Variants in MED12L observed in about 807,000 individuals in gnomAD.
The protein encoded by MED12L is mediator complex subunit 12L.
Under a neutral mutation model 281.3 loss-of-function variants are expected in MED12L, and 60 were observed. The observed-to-expected ratio is 0.21, with a 90% CI of 0.17 to 0.26. MED12L has a LOEUF of 0.26. MED12L is among the 10% of genes least tolerant of loss of function. The pLI is 1.00. For missense variants in MED12L, 2,146 were observed against 2,680.9 expected, an observed-to-expected ratio of 0.80 and a Z score of 4.41; for synonymous variants, 974 against 987.2, an observed-to-expected ratio of 0.99 and a Z score of 0.25.
intron 16 of MED12L, among the ~76,000 whole-genome samples, chr3:151,292,092 A>G (rs1220127652): frequency 3.9e-5 from 6 of 152,318 alleles, no homozygotes; most frequent in African/African-American, 1.4e-4. Flanking sequence ...ATAGAGAAGT[A>G]CTTGCTAAAC....
intron 35 of MED12L, 24 bp from the exon 36 acceptor site, chr3:151,385,002 ACTCT>A (rs549864983): frequency 8.2e-5 from 94 of 1,150,680 alleles, no homozygotes; most frequent in African/African-American, 2.3e-4. Context: ...CCCACTTCTC[ACTCT>A]CTCTCTCTCT....
intron 5 of MED12L, among the ~76,000 whole-genome samples, chr3:151,131,500 A>G (rs532137782): frequency 2.0e-5 from 3 of 152,110 alleles, no homozygotes; most frequent in Non-Finnish European, 2.9e-5. Context: ...CCAGCTACTC[A>G]GGAGGCTGAG....
At chr3:151,186,629 A>G (rs543219632) in intron 12 of MED12L, among the ~76,000 whole-genome samples, 2 of 152,178 alleles carry the variant, frequency 1.3e-5, no homozygotes, top group Admixed American at 1.3e-4. Flanking sequence ...TGGCATTCCC[A>G]TCTCAAGAAG....
At chr3:151,305,893 G>A (rs991417406) in intron 16 of MED12L, among the ~76,000 whole-genome samples, 10 of 152,102 alleles carry the variant, frequency 6.6e-5, no homozygotes, top group Non-Finnish European at 1.3e-4. Flanking sequence ...ATCCAGATTT[G>A]GAACCCATTT....
At chr3:151,185,207 G>A in intron 11 of MED12L, 123 bp from the exon 12 acceptor site, 5 of 883,154 alleles carry the variant, frequency 5.7e-6, no homozygotes, top group Non-Finnish European at 8.3e-6. Context: ...GCTTTCTAAA[G>A]CTACTATAAT....
At chr3:151,413,565 C>T (rs1717195297) in intron 42 of MED12L, among the ~76,000 whole-genome samples, 1 of 152,136 alleles carries the variant, frequency 6.6e-6, no homozygotes, top group Non-Finnish European at 1.5e-5. Context: ...AGACGGATGC[C>T]TTTAATAGAG....
At position 151,350,052 on chromosome 3, in the gene MED12L, T is replaced by G. The variant is rs930888307; in HGVS notation, c.2251-7T>G. 1.2e-6 allele frequency: 2 copies of G among 1,606,814 alleles called. No homozygotes were observed. The highest frequency in any genetic ancestry group is 1.7e-6 in the Non-Finnish European group (2 of 1,175,372). On this transcript the variant is annotated splice_region_variant and splice_polypyrimidine_tract_variant and intron_variant, in intron 16 of 44. Transcript: ENST00000687756. ...AAGAGTTTCAGAATGCATTTTCTGT[T>G]TTTCAGGATGAATCTTCAAGTCATG...
chr3:151,412,496 C>T (rs905443071), intron 41 of MED12L, among the ~76,000 whole-genome samples: 1 of 152,196 alleles, frequency 6.6e-6, no homozygotes, highest in Non-Finnish European at 1.5e-5. Flanking sequence ...GCACAGCTCC[C>T]ATCTGTTACC....
chr3:151,127,191 A>C (rs192766264), intron 4 of MED12L, among the ~76,000 whole-genome samples: 2 of 152,350 alleles, frequency 1.3e-5, no homozygotes, highest in Non-Finnish European at 2.9e-5. Flanking sequence ...GTGGTCTGGA[A>C]GACATAATTA....
chr3:151,144,388 A>G (rs956847316), intron 5 of MED12L, among the ~76,000 whole-genome samples: 1 of 152,204 alleles, frequency 6.6e-6, no homozygotes, highest in African/African-American at 2.4e-5. Context: ...CTCCTCAGCT[A>G]TCAGATACAG....
chr3:151,220,735 G>A (rs559586246), intron 16 of MED12L, among the ~76,000 whole-genome samples: 2 of 152,314 alleles, frequency 1.3e-5, no homozygotes, highest in South Asian at 2.1e-4. Flanking sequence ...ATGTGGAACT[G>A]TAAGTCCAGT....
rs79758062 is a variant in MED12L, at chr3:151,105,746, A to G, written c.100-10592A>G. Among the ~76,000 whole-genome samples, 3 of 152,066 alleles carry G rather than the reference A, an allele frequency of 2.0e-5. No individual in the cohort carries two copies. In the East Asian group the frequency reaches 5.8e-4, roughly 29 times the overall value. ...TTCAGTCACTAGCCATATGCAGACA[A>G]CTCACGACTTTAAGACTCCAGCCTA... On this transcript the variant is annotated intron_variant, in intron 2 of 44. Transcript: ENST00000687756.
intron 16 of MED12L, among the ~76,000 whole-genome samples, chr3:151,234,480 C>G (rs1732324201): frequency 6.6e-6 from 1 of 152,196 alleles, no homozygotes; most frequent in Non-Finnish European, 1.5e-5. Flanking sequence ...TTTGTTTTTA[C>G]TAGCTTGTCT....
Position 151,376,791 on chromosome 3 carries a change from T to C in MED12L, c.4054-9T>C. 1 of 1,612,060 alleles carries C rather than the reference T, an allele frequency of 6.2e-7. No individual in the cohort carries two copies. The highest frequency in any genetic ancestry group is 1.1e-5 in the South Asian group (1 of 90,904). On this transcript the variant is annotated splice_polypyrimidine_tract_variant and intron_variant, in intron 28 of 44. Transcript: ENST00000687756. The stretch of plus-strand genomic sequence containing the variant: ...CCCATAATGTTTTAATTCTTTCCAT[T>C]TTTCCCAGAATCTTGAGCAGTGGAC...
At chr3:151,139,944 A>C (rs751037220) in intron 5 of MED12L, among the ~76,000 whole-genome samples, 2 of 152,248 alleles carry the variant, frequency 1.3e-5, no homozygotes, top group Non-Finnish European at 2.9e-5. Context: ...GCAGTCCCAA[A>C]TTATTACTGC....
At chr3:151,197,950 T>A (rs918839757) in intron 16 of MED12L, 2 of 152,726 alleles carry the variant, frequency 1.3e-5, no homozygotes, top group African/African-American at 4.8e-5. Context: ...AAGTGATAGA[T>A]TAGAAATAAA....
chr3:151,222,661 C>A (rs758844503), intron 16 of MED12L, among the ~76,000 whole-genome samples: 36 of 152,204 alleles, frequency 2.4e-4, no homozygotes, highest in Non-Finnish European at 4.4e-4. Flanking sequence ...AAACCTCTTT[C>A]TTTTGTAAAT....
chr3:151,309,021 C>A (rs554319243), intron 16 of MED12L, among the ~76,000 whole-genome samples: 1 of 152,176 alleles, frequency 6.6e-6, no homozygotes, highest in African/African-American at 2.4e-5. Flanking sequence ...CGTTCACTCT[C>A]ATTTTTCTCT....
intron 2 of MED12L, among the ~76,000 whole-genome samples, chr3:151,090,739 A>G (rs1298385971): frequency 6.6e-6 from 1 of 152,180 alleles, no homozygotes; most frequent in African/African-American, 2.4e-5. Context: ...TTACTCTGGG[A>G]CAAAAGAGAC....
Sources: gnomAD v4.1 joint callset for allele counts (sites outside exome capture counted in the v4.1 genomes callset) on GRCh38, gnomAD v4.1.1 for gene constraint, MANE v1.5 for transcripts, NCBI Gene and HGNC (gene_info 2026-07-23, HGNC 2026-07-21) for gene names.